KIF15: variants seen among roughly 807,000 people sequenced by gnomAD.
The protein encoded by KIF15 is kinesin-like protein KIF15.
In KIF15, 140 loss-of-function variants were observed where a neutral mutation model predicts 190.6. The ratio of observed to expected loss-of-function variants is 0.73; its 90% CI spans 0.64 to 0.84. KIF15 has a LOEUF of 0.84. KIF15 is among the 40% of genes least tolerant of loss of function. The pLI is 0.00. For missense variants in KIF15, 1,372 were observed against 1,584.4 expected, an observed-to-expected ratio of 0.87 and a Z score of 2.28; for synonymous variants, 528 against 551.3, an observed-to-expected ratio of 0.96 and a Z score of 0.59.
rs778709122 is a variant in KIF15 at position 44,852,301 on chromosome 3, G to T, written c.4066G>T (p.Val1356Leu). The T allele has an allele frequency of 6.2e-7, 1 of 1,612,244 alleles. No individual in the cohort carries two copies. The highest frequency in any genetic ancestry group is 1.1e-5 in the South Asian group (1 of 90,858). The change falls in exon 34 of 35, where the codon GTA (valine) becomes TTA (leucine). Residue 1356 changes from valine (V) to leucine (L), a missense_variant. Coordinates refer to ENST00000326047, the MANE Select transcript of KIF15 (RefSeq NM_020242.3). ...AAATTTGCATCAGAAGATTCAGTAC[G>T]TAGTGCGACTAAAGAAGGAAAATGT... ...HQNLHQKIQY[V>L]VRLKKENVRL... is the part of the protein sequence containing the mutation.
Position 44,861,775 on chromosome 3 carries a change from GC to G in KIF15, c.*59+8986del, listed in dbSNP as rs3215152. 174 of 875,912 alleles carry G rather than the reference GC, an allele frequency of 2.0e-4. No individual in the cohort carries two copies. The East Asian group carries it at 3.2e-3, about 16-fold the overall frequency. 54.3% of individuals were successfully genotyped at this position (875,912 alleles called of 1,614,324 possible). A position where few individuals can be genotyped will look rare whatever the true frequency, so the allele number is the denominator to read the frequency against. On this transcript the variant is annotated intron_variant and NMD_transcript_variant, in intron 6 of 6. Transcript: ENST00000422209. ...GCCCAGGGTCTCTGCCACCTGGCCC[GC>G]CCCCTCCGAGGCGCCGGAGAGCGAT...
chr3:44,826,476 T>G lies in KIF15; in HGVS notation c.2786+16T>G, dbSNP rs114879894. The G allele has an allele frequency of 6.6e-7, 1 of 1,508,688 alleles. No homozygotes were observed. The highest frequency in any genetic ancestry group is 1.8e-5 in the Admixed American group (1 of 56,890). The allele number at this position is 1,508,688 out of a possible 1,614,324, so 93.5% of individuals were successfully genotyped here. A position where few individuals can be genotyped will look rare whatever the true frequency, so the allele number is the denominator to read the frequency against. On this transcript the variant is annotated intron_variant, in intron 22 of 34. Coordinates refer to ENST00000326047, the MANE Select transcript of KIF15 (RefSeq NM_020242.3). ...ACAGTTCTAAGTGAGTGCTATTTATTTTTTCTACTAGCATACTAGAATATT... is the reference window on the plus strand; with the variant it reads ...ACAGTTCTAAGTGAGTGCTATTTATGTTTTCTACTAGCATACTAGAATATT...
intron 1 of KIF15, among the ~76,000 whole-genome samples, chr3:44,763,799 TGCCTCA>T (rs1705262658): frequency 6.6e-6 from 1 of 152,094 alleles, no homozygotes; most frequent in Non-Finnish European, 1.5e-5. Context: ...GCAGTACTCG[TGCCTCA>T]GCCTCCCAAG....
intron 7 of KIF15, among the ~76,000 whole-genome samples, chr3:44,790,123 T>TAC (rs1376130167): frequency 6.6e-6 from 1 of 152,060 alleles, no homozygotes; most frequent in African/African-American, 2.4e-5. Context: ...GCTCACTGAG[T>TAC]ACTTTCATAC....
At chr3:44,819,041 A>G (rs943687272) in intron 20 of KIF15, among the ~76,000 whole-genome samples, 2 of 152,118 alleles carry the variant, frequency 1.3e-5, no homozygotes, top group Non-Finnish European at 2.9e-5. Context: ...AGAGGTGTTT[A>G]TAGTATTCTC....
chr3:44,817,512 T>G (rs1413615230), intron 20 of KIF15, among the ~76,000 whole-genome samples: 9 of 152,146 alleles, frequency 5.9e-5, no homozygotes, highest in Admixed American at 4.6e-4. Context: ...TTTCCCCATT[T>G]CTTGTTTTTC....
intron 7 of KIF15, among the ~76,000 whole-genome samples, chr3:44,787,502 T>C (rs1706463398): frequency 6.6e-6 from 1 of 152,196 alleles, no homozygotes; most frequent in Non-Finnish European, 1.5e-5. Flanking sequence ...ATCAAGTCTC[T>C]TGATTCCAGC....
At chr3:44,809,237 T>G (rs1707671081) in intron 16 of KIF15, among the ~76,000 whole-genome samples, 1 of 152,234 alleles carries the variant, frequency 6.6e-6, no homozygotes, top group South Asian at 2.1e-4. Context: ...TTTTCATATG[T>G]TCATGTCCAT....
rs1575591956 is a variant in KIF15 at position 44,786,392 on chromosome 3, C to T, written c.460-3C>T. On this transcript the variant is annotated splice_polypyrimidine_tract_variant and splice_region_variant and intron_variant, in intron 6 of 34. Coordinates refer to ENST00000326047, the MANE Select transcript of KIF15 (RefSeq NM_020242.3). ...GTATCTAAATGAGGCTTCTTTTTTACAGGCTGGAGCTGGAAAGAGTTTCCT... is the reference window on the plus strand; with the variant it reads ...GTATCTAAATGAGGCTTCTTTTTTATAGGCTGGAGCTGGAAAGAGTTTCCT... The T allele has an allele frequency of 3.1e-6, 5 of 1,588,910 alleles. No individual in the cohort carries two copies. The South Asian group carries it at 4.5e-5, about 14-fold the overall frequency.
intron 6 of KIF15, chr3:44,864,254 A>T: frequency 1.2e-6 from 2 of 1,614,192 alleles, no homozygotes; most frequent in Non-Finnish European, 8.5e-7. Flanking sequence ...CAATTCTCTG[A>T]TGTGGACCTT....
intron 5 of KIF15, among the ~76,000 whole-genome samples, chr3:44,784,043 CT>C (rs745632444): frequency 4.6e-5 from 7 of 152,180 alleles, no homozygotes; most frequent in Non-Finnish European, 7.3e-5. Context: ...TCTTACAGTA[CT>C]TTTCTTACCA....
At chr3:44,802,346 C>T (rs549804887) in intron 13 of KIF15, among the ~76,000 whole-genome samples, 1 of 152,158 alleles carries the variant, frequency 6.6e-6, no homozygotes, top group African/African-American at 2.4e-5. Context: ...GTGGGAAAAC[C>T]CAAAATCTCT....
Position 44,790,209 on chromosome 3 carries a change from ACT to A in KIF15, c.639+3643_639+3644del, listed in dbSNP as rs750001779. Among the ~76,000 whole-genome samples, 11 of 150,924 alleles carry A rather than the reference ACT, an allele frequency of 7.3e-5. No homozygotes were observed. In the East Asian group the frequency reaches 1.6e-3, roughly 21 times the overall value. ...TTTTTTTTTTTTGAGACGGAGTCTC[ACT>A]CTCTCTCCAAGGCTAGAGTGTAGTG... On this transcript the variant is annotated intron_variant, in intron 7 of 34. Coordinates refer to ENST00000326047, the MANE Select transcript of KIF15 (RefSeq NM_020242.3).
intron 19 of KIF15, chr3:44,813,413 T>C: frequency 2.9e-6 from 1 of 350,796 alleles, no homozygotes; most frequent in Non-Finnish European, 5.1e-6. Flanking sequence ...TTGCTTAAAG[T>C]TTTTTGTTGT....
chr3:44,778,141 A>C lies in KIF15; in HGVS notation c.273A>C (p.Lys91Asn). ...AATCTGTATTCGCAACTGTGGCTAAAAGCATTGTGGAGTCTTGCATGAGCG... is the reference window on the plus strand; with the variant it reads ...AATCTGTATTCGCAACTGTGGCTAACAGCATTGTGGAGTCTTGCATGAGCG... The part of the protein sequence containing the change: ...TQESVFATVA[K>N]SIVESCMSGY... The change falls in exon 4 of 35, where the codon AAA becomes AAC. Residue 91 changes from lysine to asparagine, a missense_variant. Transcript: ENST00000326047. The C allele has an allele frequency of 6.2e-7, 1 of 1,614,014 alleles. No individual in the cohort carries two copies. The highest frequency in any genetic ancestry group is 8.5e-7 in the Non-Finnish European group (1 of 1,179,840).
intron 30 of KIF15, among the ~76,000 whole-genome samples, chr3:44,845,690 G>A (rs1210834182): frequency 3.3e-5 from 5 of 152,180 alleles, no homozygotes; most frequent in African/African-American, 9.6e-5. Context: ...AGTTCTCACC[G>A]CACATGCCTA....
intron 1 of KIF15, among the ~76,000 whole-genome samples, chr3:44,768,043 A>G (rs1015514405): frequency 6.6e-6 from 1 of 152,020 alleles, no homozygotes; most frequent in Admixed American, 6.6e-5. Flanking sequence ...TGGGAGGCCA[A>G]CGCGGGCAGA....
chr3:44,805,113 C>G lies in KIF15; in HGVS notation c.1774C>G (p.Gln592Glu). The G allele has an allele frequency of 6.2e-7, 1 of 1,613,784 alleles. No individual in the cohort carries two copies. Among genetic ancestry groups the G allele is most frequent in the Non-Finnish European group, 8.5e-7 (1 of 1,179,866 alleles). ...EKLKAQLLQI[Q>E]TELNNSKQEY... ...GTTAAAAGCACAACTCCTGCAAATT[C>G]AGACAGAGCTGAATAATTCAAAGCA... The change falls in exon 15 of 35, where the codon CAG becomes GAG. Residue 592 changes from glutamine (Q) to glutamate (E), a missense_variant. Physicochemically the swap from Gln to Glu is conservative, Grantham distance 29. Coordinates refer to ENST00000326047, the MANE Select transcript of KIF15 (RefSeq NM_020242.3).
At chr3:44,820,313 G>C (rs1350272105) in intron 20 of KIF15, among the ~76,000 whole-genome samples, 1 of 145,702 alleles carries the variant, frequency 6.9e-6, no homozygotes, top group African/African-American at 2.5e-5. Flanking sequence ...TTGCTCGTTA[G>C]TTGATGCAGT....
Sources: allele counts gnomAD v4.1 joint callset (sites outside exome capture counted in the v4.1 genomes callset), GRCh38; gene constraint gnomAD v4.1.1; transcripts MANE v1.5; gene names NCBI Gene and HGNC (gene_info 2026-07-23, HGNC 2026-07-21).